Variants in SGCZ observed in about 807,000 individuals in gnomAD.
SGCZ encodes the protein zeta-sarcoglycan.
Under a neutral mutation model 41.3 loss-of-function variants are expected in SGCZ, and 40 were observed. That is an observed-to-expected ratio of 0.97 (90% confidence interval 0.75 to 1.26). The LOEUF is 1.26. Ranked by LOEUF, SGCZ falls within the 50% of genes most tolerant of loss-of-function variation. The pLI, the probability that SGCZ is intolerant of heterozygous loss-of-function variation, is 0.00. For synonymous variants in SGCZ, 206 were observed against 137.5 expected (o/e 1.50, Z -3.49); for missense variants, 552 against 369.8 (o/e 1.49, Z -4.04).
chr8:14,309,194 C>T (rs1309321885), intron 3 of SGCZ: 2 of 1,484,022 alleles, frequency 1.3e-6, no homozygotes, highest in South Asian at 1.1e-5. Context: ...GCAAGCAAAC[C>T]TGCTGCGGCT....
chr8:15,018,894 G>A (rs1317182804), intron 1 of SGCZ, among the ~76,000 whole-genome samples: 1 of 152,224 alleles, frequency 6.6e-6, no homozygotes, highest in Non-Finnish European at 1.5e-5. Flanking sequence ...AGGCGGAGAG[G>A]AAGAAGGGAT....
chr8:14,792,000 T>C (rs1800971299), intron 1 of SGCZ, among the ~76,000 whole-genome samples: 1 of 151,962 alleles, frequency 6.6e-6, no homozygotes, highest in Admixed American at 6.5e-5. Flanking sequence ...GTAATCCACT[T>C]GAAAAAATCA....
chr8:14,401,467 G>A (rs1799073599), intron 2 of SGCZ, among the ~76,000 whole-genome samples: 2 of 124,038 alleles, frequency 1.6e-5, no homozygotes, highest in Admixed American at 1.0e-4. Context: ...TCCTCAGAGT[G>A]TGATGTTCCC....
chr8:14,118,031 C>G (rs1802578285), intron 5 of SGCZ, among the ~76,000 whole-genome samples: 1 of 151,886 alleles, frequency 6.6e-6, no homozygotes, highest in Middle Eastern at 3.4e-3. Context: ...GTGAACAATG[C>G]TGCAATAAAC....
At chr8:14,284,778 A>T (rs1800567831) in intron 3 of SGCZ, among the ~76,000 whole-genome samples, 1 of 152,062 alleles carries the variant, frequency 6.6e-6, no homozygotes, top group South Asian at 2.1e-4. Flanking sequence ...GTCCTAAGTT[A>T]CTGTTGAAAT....
chr8:14,271,554 G>C (rs1041120808), intron 3 of SGCZ, among the ~76,000 whole-genome samples: 12 of 152,132 alleles, frequency 7.9e-5, no homozygotes, highest in African/African-American at 2.9e-4. Flanking sequence ...TTTTGACTTA[G>C]GTATTGGAAC....
chr8:14,142,702 G>T (rs1016808109), intron 5 of SGCZ, among the ~76,000 whole-genome samples: 1 of 152,132 alleles, frequency 6.6e-6, no homozygotes, highest in African/African-American at 2.4e-5. Context: ...CCCAATGCTG[G>T]AGATGGGCCT....
chr8:14,711,003 T>A (rs563954381), intron 1 of SGCZ, among the ~76,000 whole-genome samples: 1 of 152,200 alleles, frequency 6.6e-6, no homozygotes, highest in Non-Finnish European at 1.5e-5. Context: ...ATTGTTTTCA[T>A]AGGACGTATG....
chr8:14,549,550 A>C (rs997228893), intron 2 of SGCZ, among the ~76,000 whole-genome samples: 3 of 152,082 alleles, frequency 2.0e-5, no homozygotes, highest in Admixed American at 6.6e-5. Context: ...ATAATGTATC[A>C]CCTACTATGT....
chr8:14,835,081 A>G (rs576756978), intron 1 of SGCZ, among the ~76,000 whole-genome samples: 1 of 152,334 alleles, frequency 6.6e-6, no homozygotes, highest in South Asian at 2.1e-4. Flanking sequence ...CCTGTGAAAT[A>G]GTTAGATTGC....
chr8:14,478,664 G>A (rs529760353), intron 2 of SGCZ, among the ~76,000 whole-genome samples: 3 of 152,260 alleles, frequency 2.0e-5, no homozygotes, highest in African/African-American at 7.2e-5. Context: ...GAGTAACTAA[G>A]AGGGAATCTG....
At chr8:14,836,510 T>C (rs1052586583) in intron 1 of SGCZ, among the ~76,000 whole-genome samples, 5 of 152,158 alleles carry the variant, frequency 3.3e-5, no homozygotes, top group Admixed American at 1.3e-4. Context: ...AATTGTGTTT[T>C]TGTTTTGAGA....
At chr8:14,554,698 G>A in intron 2 of SGCZ, 34 bp downstream of exon 2, 2 of 1,555,308 alleles carry the variant, frequency 1.3e-6, no homozygotes, top group South Asian at 1.2e-5. Flanking sequence ...TCTGAACCAA[G>A]AGCAATAAGA....
intron 1 of SGCZ, among the ~76,000 whole-genome samples, chr8:15,172,363 T>C (rs986762248): frequency 6.6e-6 from 1 of 151,176 alleles, no homozygotes; most frequent in African/African-American, 2.4e-5. Context: ...GGTTTCACCG[T>C]GTCAGCCAGG....
chr8:15,066,199 T>C lies in SGCZ; in HGVS notation c.39+171386A>G, dbSNP rs552713259. On this transcript the variant is annotated intron_variant, in intron 1 of 7. Transcript: ENST00000382080. Reference sequence around the variant, plus strand: ...GGCGGGCGCCTGTAGTCCCAGCTACTGGGGAGGCTGAGGCAGGAGAATGGC... The same window carrying C: ...GGCGGGCGCCTGTAGTCCCAGCTACCGGGGAGGCTGAGGCAGGAGAATGGC... Among the ~76,000 whole-genome samples, 434 of 150,250 alleles carry C rather than the reference T, an allele frequency of 2.9e-3. 3 individuals carry two copies. Among genetic ancestry groups the C allele is most frequent in the African/African-American group, 8.8e-3 (358 of 40,718 alleles).
At chr8:14,441,498 C>T (rs754873312) in intron 2 of SGCZ, among the ~76,000 whole-genome samples, 7 of 152,184 alleles carry the variant, frequency 4.6e-5, no homozygotes, top group Non-Finnish European at 1.0e-4. Flanking sequence ...TCACTTGAAC[C>T]TGGGAGGTGG....
chr8:14,863,078 T>C (rs1803809511), intron 1 of SGCZ, among the ~76,000 whole-genome samples: 1 of 152,132 alleles, frequency 6.6e-6, no homozygotes, highest in African/African-American at 2.4e-5. Flanking sequence ...CGCTCGGTTA[T>C]GTATCTCACA....
chr8:14,444,409 A>G (rs1800368944), intron 2 of SGCZ, among the ~76,000 whole-genome samples: 1 of 152,252 alleles, frequency 6.6e-6, no homozygotes, highest in African/African-American at 2.4e-5. Context: ...CTTGGAACCA[A>G]TCCAAATGTC....
At chr8:14,344,875 G>A (rs1486902357) in intron 2 of SGCZ, among the ~76,000 whole-genome samples, 1 of 151,924 alleles carries the variant, frequency 6.6e-6, no homozygotes, top group Non-Finnish European at 1.5e-5. Context: ...GAGAGAACGT[G>A]AAGTAATGAG....
Sources: gnomAD v4.1 joint callset for allele counts (sites outside exome capture counted in the v4.1 genomes callset) on GRCh38, gnomAD v4.1.1 for gene constraint, MANE v1.5 for transcripts, NCBI Gene and HGNC (gene_info 2026-07-23, HGNC 2026-07-21) for gene names.